Variants in RNLS observed in about 807,000 individuals in gnomAD.
RNLS encodes renalase.
A neutral mutation model predicts 39.8 loss-of-function variants in RNLS; 39 were observed. The ratio of observed to expected loss-of-function variants is 0.98; its 90% confidence interval spans 0.76 to 1.28. The LOEUF (loss-of-function observed/expected upper bound fraction) is 1.28, where lower values mean the gene tolerates loss of function less well. Among genes scored for constraint, RNLS ranks in the 50% most tolerant of loss-of-function variants. The pLI, the probability that RNLS is intolerant of heterozygous loss-of-function variation, is 0.00. For missense variants in RNLS, 410 were observed against 413.3 expected (o/e 0.99, Z 0.07); for synonymous variants, 147 against 150.7 (o/e 0.98, Z 0.18).
intron 2 of RNLS, 104 bp downstream of exon 2, chr10:88,582,098 C>G (rs1387384570): frequency 1.4e-5 from 12 of 845,188 alleles, no homozygotes; most frequent in Non-Finnish European, 2.0e-5. Flanking sequence ...TGATATTTAT[C>G]GAGCCCTTAC....
At chr10:88,403,760 G>A (rs759656640) in intron 4 of RNLS, among the ~76,000 whole-genome samples, 19 of 151,710 alleles carry the variant, frequency 1.3e-4, no homozygotes, top group Non-Finnish European at 2.5e-4. Flanking sequence ...GATGGGCTGT[G>A]CCTGGGGGCT....
At chr10:88,531,792 A>G (rs892462045) in intron 4 of RNLS, among the ~76,000 whole-genome samples, 19 of 152,080 alleles carry the variant, frequency 1.2e-4, no homozygotes, top group Non-Finnish European at 2.9e-5. Flanking sequence ...ACGTAGATTG[A>G]CATTACTTTT....
rs376585268 is a variant in RNLS at position 88,583,138 on chromosome 10, G to T, written c.53C>A (p.Ala18Glu). ...ACCGGACGTCTGCCTCCTCAGCAGC[G>T]CAGCGCACAAGCTTCCTGTCATCCC... ...GAGMTGSLCAALLRRQTSGPL... is the reference protein window; with the variant it reads ...GAGMTGSLCAELLRRQTSGPL... Residue 18 changes from alanine to glutamate, a missense_variant, in exon 1 of 7, where the codon GCG becomes GAG. Physicochemically the swap from Ala to Glu is moderately radical, Grantham distance 107. Coordinates refer to ENST00000331772, the MANE Select transcript of RNLS (RefSeq NM_001031709.3). 1 of 1,614,080 alleles carries T rather than the reference G, an allele frequency of 6.2e-7. No homozygotes were observed. Among genetic ancestry groups the T allele is most frequent in the East Asian group, 2.2e-5 (1 of 44,870 alleles).
At chr10:88,297,617 C>G (rs1365149807) in intron 6 of RNLS, among the ~76,000 whole-genome samples, 2 of 152,148 alleles carry the variant, frequency 1.3e-5, no homozygotes, top group African/African-American at 4.8e-5. Flanking sequence ...TGACTGGCTT[C>G]TTTCATATAA....
intron 4 of RNLS, among the ~76,000 whole-genome samples, chr10:88,536,627 T>C (rs992748824): frequency 6.6e-6 from 1 of 152,186 alleles, no homozygotes; most frequent in African/African-American, 2.4e-5. Context: ...ACTGGCTTCC[T>C]TGCCGACTCC....
intron 5 of RNLS, among the ~76,000 whole-genome samples, chr10:88,355,428 TAACAGTCAGGA>T (rs1296693901): frequency 6.6e-6 from 1 of 152,210 alleles, no homozygotes; most frequent in East Asian, 1.9e-4. Flanking sequence ...GTTTTCCTTC[TAACAGTCAGGA>T]CCCTCAGCTG....
chr10:88,465,886 TA>T (rs1193446895), intron 4 of RNLS, among the ~76,000 whole-genome samples: 1 of 152,076 alleles, frequency 6.6e-6, no homozygotes, highest in Non-Finnish European at 1.5e-5. Flanking sequence ...CACACTTGTG[TA>T]AGGTATTTTG....
chr10:88,252,091 C>T, the RNLS span, among the ~76,000 whole-genome samples: 44 of 152,214 alleles, frequency 2.9e-4, no homozygotes, highest in Non-Finnish European at 4.9e-4. Context: ...AGCAGGTACA[C>T]TAGCAAACTG....
chr10:88,580,631 C>T (rs1229331992), intron 3 of RNLS, among the ~76,000 whole-genome samples: 3 of 151,946 alleles, frequency 2.0e-5, no homozygotes, highest in Admixed American at 6.6e-5. Flanking sequence ...TCAAAACGCT[C>T]ATAAAATATA....
chr10:88,462,979 T>C (rs1273803580), intron 4 of RNLS, among the ~76,000 whole-genome samples: 1 of 152,030 alleles, frequency 6.6e-6, no homozygotes, highest in Non-Finnish European at 1.5e-5. Context: ...TGATAGTAAA[T>C]GATTAAAGTA....
At position 88,581,635 on chromosome 10, in the gene RNLS, T is replaced by C. The variant is rs1246528504; in HGVS notation, c.299A>G (p.Glu100Gly). ...SSPIEGMVMK[E>G]GDCNFVAPQG... The stretch of plus-strand genomic sequence containing the variant: ...AGGTGCCACAAAGTTACAGTCTCCT[T>C]CTTTCATCACCATTCCTTCAATAGG... Residue 100 changes from glutamate (E) to glycine (G), a missense_variant, in exon 3 of 7, where the codon GAA (glutamate) becomes GGA (glycine). Glu to Gly is a moderately conservative substitution (Grantham distance 98). Transcript: ENST00000331772. 5.6e-6 allele frequency: 9 copies of C among 1,607,442 alleles called. No homozygotes were observed. The highest frequency in any genetic ancestry group is 7.6e-6 in the Non-Finnish European group (9 of 1,176,894).
the RNLS span, among the ~76,000 whole-genome samples, chr10:88,263,563 G>C: frequency 6.6e-6 from 1 of 151,774 alleles, no homozygotes; most frequent in Admixed American, 6.6e-5. Flanking sequence ...TTCTTGAAGA[G>C]GGTTGCCACT....
intron 4 of RNLS, among the ~76,000 whole-genome samples, chr10:88,401,167 T>C (rs1231752148): frequency 1.3e-5 from 2 of 151,956 alleles, no homozygotes; most frequent in Non-Finnish European, 2.9e-5. Flanking sequence ...TTCAGAGAAA[T>C]GCACTTCTGA....
At chr10:88,374,846 C>T (rs899009657) in intron 4 of RNLS, among the ~76,000 whole-genome samples, 1 of 152,108 alleles carries the variant, frequency 6.6e-6, no homozygotes, top group African/African-American at 2.4e-5. Flanking sequence ...ACGCAACTAA[C>T]CTTGGCACTT....
chr10:88,470,694 C>A (rs1843472111), intron 4 of RNLS, among the ~76,000 whole-genome samples: 1 of 150,248 alleles, frequency 6.7e-6, no homozygotes, highest in African/African-American at 2.5e-5. Flanking sequence ...TGGCTCACTG[C>A]AACCTCCACC....
intron 4 of RNLS, among the ~76,000 whole-genome samples, chr10:88,447,083 T>C (rs569427729): frequency 7.2e-5 from 11 of 152,324 alleles, no homozygotes; most frequent in Admixed American, 1.3e-4. Flanking sequence ...ACTGGAAGCA[T>C]TCCCTTTGAA....
intron 4 of RNLS, among the ~76,000 whole-genome samples, chr10:88,403,446 T>C (rs1215380084): frequency 6.6e-6 from 1 of 152,062 alleles, no homozygotes; most frequent in Non-Finnish European, 1.5e-5. Flanking sequence ...TACCTTTATC[T>C]TGGAGAAATA....
In RNLS at chr10:88,498,544, C is replaced by A. The variant is rs139516948; in HGVS notation, c.526+74359G>T. On this transcript the variant is annotated intron_variant, in intron 4 of 6. Coordinates refer to ENST00000331772, the MANE Select transcript of RNLS (RefSeq NM_001031709.3). Reference sequence around the variant, plus strand: ...ACTGGTGAAATTTGAATAAGGTCTGCATACTAGATAATAATATTGTAATTA... The same window carrying A: ...ACTGGTGAAATTTGAATAAGGTCTGAATACTAGATAATAATATTGTAATTA... 3.5e-4 allele frequency among the ~76,000 whole-genome samples: 52 copies of A among 147,310 alleles called. 1 individual carries two copies. The highest frequency in any genetic ancestry group is 1.2e-3 in the African/African-American group (47 of 39,654).
At chr10:88,182,621 A>C in the RNLS span, among the ~76,000 whole-genome samples, 2 of 152,128 alleles carry the variant, frequency 1.3e-5, no homozygotes, top group Non-Finnish European at 2.9e-5. Context: ...TACAAAAATC[A>C]GAATTATACA....
Sources: gnomAD v4.1 joint callset for allele counts (sites outside exome capture counted in the v4.1 genomes callset) on GRCh38, gnomAD v4.1.1 for gene constraint, MANE v1.5 for transcripts, NCBI Gene and HGNC (gene_info 2026-07-23, HGNC 2026-07-21) for gene names.